The following ANK2 variants were observed in gnomAD, a reference collection of about 807,000 sequenced individuals.
The protein encoded by ANK2 is ankyrin-2.
A neutral mutation model predicts 360.5 loss-of-function variants in ANK2; 83 were observed. That is an observed-to-expected ratio of 0.23 (90% CI 0.19 to 0.28). ANK2 has a LOEUF of 0.28. Ranked by LOEUF, ANK2 falls within the 10% of genes least tolerant of loss-of-function variation. The probability of loss-of-function intolerance (pLI) is 1.00; values close to 1 mark genes in which losing one functional copy is unlikely to be tolerated. For missense variants in ANK2, 4,201 were observed against 4,795.7 expected (o/e 0.88, Z 3.66); for synonymous variants, 1,740 against 1,759.5 (o/e 0.99, Z 0.28).
intron 1 of ANK2, among the ~76,000 whole-genome samples, chr4:112,903,474 T>G (rs1466074808): frequency 6.6e-6 from 1 of 152,238 alleles, no homozygotes. Context: ...CTTTCATGTT[T>G]TCATAACCAT....
intron 2 of ANK2, among the ~76,000 whole-genome samples, chr4:112,914,688 A>C (rs1227926852): frequency 6.6e-6 from 1 of 152,190 alleles, no homozygotes; most frequent in Non-Finnish European, 1.5e-5. Context: ...CTGTGATCTG[A>C]GGAAAACAAA....
chr4:113,119,319 C>G (rs959823488), intron 1 of ANK2, among the ~76,000 whole-genome samples: 8 of 152,070 alleles, frequency 5.3e-5, no homozygotes, highest in Non-Finnish European at 8.8e-5. Context: ...AACAAACTTG[C>G]TAAAAGAGTG....
intron 2 of ANK2, among the ~76,000 whole-genome samples, chr4:112,972,370 G>A (rs2039842823): frequency 6.6e-6 from 1 of 152,110 alleles, no homozygotes; most frequent in Non-Finnish European, 1.5e-5. Flanking sequence ...ACAGGCCCCG[G>A]TGTGTGATGT....
chr4:113,308,260 C>T (rs1035044549), intron 23 of ANK2, among the ~76,000 whole-genome samples: 11 of 152,164 alleles, frequency 7.2e-5, no homozygotes, highest in African/African-American at 2.2e-4. Context: ...AGGAAGTAGT[C>T]GTGCTATTTG....
intron 45 of ANK2, chr4:113,374,975 ATG>A (rs2096874287): frequency 2.8e-6 from 3 of 1,061,588 alleles, no homozygotes; most frequent in Non-Finnish European, 2.3e-6. Context: ...TTGTCTTTTT[ATG>A]TGTGTGTTTT....
In ANK2 at chr4:113,316,458, G is replaced by A. The variant is rs182125579; in HGVS notation, c.2694-1249G>A. Among the ~76,000 whole-genome samples the A allele has an allele frequency of 8.5e-5, 13 of 152,228 alleles. No homozygotes were observed. The East Asian group carries it at 2.5e-3, about 29-fold the overall frequency. On this transcript the variant is annotated intron_variant, in intron 24 of 45. Transcript: ENST00000357077. Reference sequence around the variant, plus strand: ...ACACCTCATAGATATGATAGTACATGGCTTACAAAATTAAATATACTTGCA... The same window carrying A: ...ACACCTCATAGATATGATAGTACATAGCTTACAAAATTAAATATACTTGCA...
intron 1 of ANK2, among the ~76,000 whole-genome samples, chr4:113,095,780 G>C (rs2090775736): frequency 6.6e-6 from 1 of 152,150 alleles, no homozygotes; most frequent in South Asian, 2.1e-4. Flanking sequence ...ACATCTCACT[G>C]TCTGTGCATG....
chr4:112,983,612 T>G (rs886483833), intron 2 of ANK2, among the ~76,000 whole-genome samples: 1 of 151,858 alleles, frequency 6.6e-6, no homozygotes, highest in Non-Finnish European at 1.5e-5. Context: ...GAGGCAGAGG[T>G]TGTGGTGACC....
chr4:112,892,303 C>T (rs146917058), intron 1 of ANK2, among the ~76,000 whole-genome samples: 340 of 152,282 alleles, frequency 2.2e-3, no homozygotes, highest in African/African-American at 7.4e-3. Flanking sequence ...AACATTTGCC[C>T]TTGGAATTAG....
At chr4:112,824,795 C>A (rs113852454) in intron 1 of ANK2, among the ~76,000 whole-genome samples, 1 of 152,282 alleles carries the variant, frequency 6.6e-6, no homozygotes, top group Non-Finnish European at 1.5e-5. Context: ...AGCCACTGCA[C>A]CCTGCTTTTA....
Position 113,221,291 on chromosome 4 carries a change from G to A in ANK2, c.385-10870G>A, listed in dbSNP as rs1190884332. On this transcript the variant is annotated intron_variant, in intron 4 of 45. Coordinates refer to ENST00000357077, the MANE Select transcript of ANK2 (RefSeq NM_001148.6). Reference sequence around the variant, plus strand: ...ACATCACAATATGTATTAAAGGTTTGTTTTCATTATAACTTACTGAGTAAA... The same window carrying A: ...ACATCACAATATGTATTAAAGGTTTATTTTCATTATAACTTACTGAGTAAA... Among the ~76,000 whole-genome samples, 941 of 152,260 alleles carry A rather than the reference G, an allele frequency of 6.2e-3. 7 individuals are homozygous for A. The highest frequency in any genetic ancestry group is 0.021 in the African/African-American group (879 of 41,528).
At chr4:113,360,070 T>G (rs1043499783) in intron 38 of ANK2, among the ~76,000 whole-genome samples, 1 of 152,142 alleles carries the variant, frequency 6.6e-6, no homozygotes, top group Non-Finnish European at 1.5e-5. Context: ...CAATGAAGAC[T>G]GTCATTCTTA....
chr4:112,799,301 C>G, the ANK2 span, among the ~76,000 whole-genome samples: 1 of 152,080 alleles, frequency 6.6e-6, no homozygotes, highest in East Asian at 1.9e-4. Flanking sequence ...GACACCTGTT[C>G]GAGTGCCTGC....
chr4:112,788,076 T>G, the ANK2 span: 1 of 1,430,426 alleles, frequency 7.0e-7, no homozygotes, highest in Non-Finnish European at 9.7e-7. Flanking sequence ...AACTCAACAG[T>G]GCACATTTAA....
At chr4:113,239,997 T>G (rs2038854716) in intron 7 of ANK2, among the ~76,000 whole-genome samples, 1 of 152,198 alleles carries the variant, frequency 6.6e-6, no homozygotes, top group Admixed American at 6.5e-5. Flanking sequence ...TTTGTAAGAA[T>G]TTTTCAACAT....
At chr4:112,924,580 C>T (rs1373898325) in intron 2 of ANK2, among the ~76,000 whole-genome samples, 1 of 151,614 alleles carries the variant, frequency 6.6e-6, no homozygotes, top group Non-Finnish European at 1.5e-5. Flanking sequence ...TTATGAAACA[C>T]ATATGAAATT....
At chr4:113,128,513 G>A (rs760131909) in intron 1 of ANK2, among the ~76,000 whole-genome samples, 50 of 152,034 alleles carry the variant, frequency 3.3e-4, no homozygotes, top group Middle Eastern at 3.4e-3. Context: ...TTTATGAGAC[G>A]AAGTCTCACT....
At chr4:113,169,070 G>A (rs1208858414) in intron 1 of ANK2, among the ~76,000 whole-genome samples, 1 of 152,110 alleles carries the variant, frequency 6.6e-6, no homozygotes, top group Non-Finnish European at 1.5e-5. Context: ...TGTGTGCATC[G>A]ATAATTTGAT....
intron 17 of ANK2, among the ~76,000 whole-genome samples, chr4:113,280,768 C>G (rs2061980384): frequency 1.3e-5 from 2 of 152,282 alleles, no homozygotes; most frequent in South Asian, 4.1e-4. Flanking sequence ...GGCAAACCTC[C>G]TCCATTGCCA....
Sources: allele counts gnomAD v4.1 joint callset (sites outside exome capture counted in the v4.1 genomes callset), GRCh38; gene constraint gnomAD v4.1.1; transcripts MANE v1.5; gene names NCBI Gene and HGNC (gene_info 2026-07-23, HGNC 2026-07-21).